Variants in TPD52 observed in about 807,000 individuals in gnomAD.
TPD52 encodes the protein tumor protein D52.
A neutral mutation model predicts 31.3 loss-of-function variants in TPD52; 17 were observed. The ratio of observed to expected loss-of-function variants is 0.54; its 90% confidence interval spans 0.37 to 0.82. The LOEUF (loss-of-function observed/expected upper bound fraction) is 0.82, where lower values mean the gene tolerates loss of function less well. Ranked by LOEUF, TPD52 falls within the 40% of genes least tolerant of loss-of-function variation. The pLI is 0.00. For missense variants in TPD52, 212 were observed against 240.1 expected, an observed-to-expected ratio of 0.88 and a Z score of 0.77; for synonymous variants, 83 against 89.6, an observed-to-expected ratio of 0.93 and a Z score of 0.42.
At chr8:80,119,348 G>C (rs1808086397) in intron 1 of TPD52, among the ~76,000 whole-genome samples, 1 of 152,124 alleles carries the variant, frequency 6.6e-6, no homozygotes, top group Admixed American at 6.6e-5. Context: ...GGTAAATGTT[G>C]TACAAGTATC....
chr8:80,038,528 A>G (rs1361858061), intron 7 of TPD52, among the ~76,000 whole-genome samples: 1 of 152,182 alleles, frequency 6.6e-6, no homozygotes, highest in Non-Finnish European at 1.5e-5. Flanking sequence ...TGTAAGGTCT[A>G]TTATTTTAAA....
rs984677862 is a variant in TPD52 at position 80,152,357 on chromosome 8, G to A, written c.19+19068C>T. 2.6e-5 allele frequency among the ~76,000 whole-genome samples: 4 copies of A among 152,256 alleles called. No homozygotes were observed. The East Asian group carries it at 7.7e-4, about 29-fold the overall frequency. ...GCAAACTCGAATGGCAGCACCAAAG[G>A]AGGTGTGAAATGCTGTGATGAAAAC... On this transcript the variant is annotated intron_variant, in intron 1 of 7. Coordinates refer to ENST00000518937, the MANE Select transcript of TPD52 (RefSeq NM_001025253.3).
chr8:80,148,659 G>C (rs572600021), intron 1 of TPD52, among the ~76,000 whole-genome samples: 69 of 152,250 alleles, frequency 4.5e-4, no homozygotes, highest in African/African-American at 1.6e-3. Flanking sequence ...TTGCTGAAGA[G>C]AAAATGCTAA....
intron 2 of TPD52, among the ~76,000 whole-genome samples, chr8:80,058,293 A>G (rs537655174): frequency 6.6e-6 from 1 of 152,168 alleles, no homozygotes; most frequent in Admixed American, 6.5e-5. Context: ...ACATGAAGGT[A>G]TTTTCATCAA....
intron 2 of TPD52, among the ~76,000 whole-genome samples, chr8:80,062,331 C>G (rs76175715): frequency 0.019 from 2,855 of 152,120 alleles, 84 homozygotes; most frequent in African/African-American, 0.064. Context: ...GGAAAACTAG[C>G]CACATGCAAA....
chr8:80,132,914 C>T (rs546580267), intron 1 of TPD52, among the ~76,000 whole-genome samples: 1 of 152,220 alleles, frequency 6.6e-6, no homozygotes, highest in African/African-American at 2.4e-5. Context: ...GTTTAGTTAC[C>T]CTCAGTAATT....
At chr8:80,126,255 T>C (rs1378959459) in intron 1 of TPD52, among the ~76,000 whole-genome samples, 1 of 152,156 alleles carries the variant, frequency 6.6e-6, no homozygotes, top group Non-Finnish European at 1.5e-5. Context: ...AGGGGGAAAA[T>C]GTATTATCTC....
At chr8:80,071,386 A>G (rs377554450) in intron 1 of TPD52, among the ~76,000 whole-genome samples, 2 of 152,250 alleles carry the variant, frequency 1.3e-5, no homozygotes. Flanking sequence ...TCCATGCCCT[A>G]TAACTTGTCC....
At chr8:80,048,159 C>T (rs1410792223) in intron 5 of TPD52, among the ~76,000 whole-genome samples, 1 of 152,174 alleles carries the variant, frequency 6.6e-6, no homozygotes, top group Non-Finnish European at 1.5e-5. Context: ...CCACGTCCTC[C>T]TTGGCCTTGC....
intron 2 of TPD52, among the ~76,000 whole-genome samples, chr8:80,057,439 G>A (rs1170684485): frequency 1.3e-5 from 2 of 152,156 alleles, no homozygotes; most frequent in African/African-American, 4.8e-5. Context: ...CAACCCCGGT[G>A]CCCACTGTCC....
intron 1 of TPD52, among the ~76,000 whole-genome samples, chr8:80,068,002 A>G (rs1392260048): frequency 2.0e-5 from 3 of 152,206 alleles, no homozygotes. Context: ...AAGAACATTT[A>G]AAAGTATAGA....
At chr8:80,088,077 G>A (rs1479376380) in intron 1 of TPD52, among the ~76,000 whole-genome samples, 4 of 152,192 alleles carry the variant, frequency 2.6e-5, no homozygotes, top group African/African-American at 9.7e-5. Context: ...TTTGGGCATA[G>A]AGCTAGCAAG....
chr8:80,131,824 G>A (rs1809038198), intron 1 of TPD52, among the ~76,000 whole-genome samples: 2 of 152,078 alleles, frequency 1.3e-5, no homozygotes, highest in Admixed American at 6.6e-5. Context: ...AGATGTGGGT[G>A]GAAAAGGTTT....
chr8:80,073,095 C>T (rs748206718), intron 1 of TPD52, among the ~76,000 whole-genome samples: 11 of 150,842 alleles, frequency 7.3e-5, no homozygotes, highest in Non-Finnish European at 1.3e-4. Flanking sequence ...AGAGCGAGAG[C>T]GAGAAAGAAA....
chr8:80,052,621 C>T (rs1168514559), intron 3 of TPD52: 6 of 1,288,206 alleles, frequency 4.7e-6, no homozygotes, highest in Non-Finnish European at 6.1e-6. Context: ...CTGCAGATGG[C>T]TCTCAATACA....
chr8:80,162,986 T>C (rs886491917), intron 1 of TPD52, among the ~76,000 whole-genome samples: 7 of 151,954 alleles, frequency 4.6e-5, no homozygotes, highest in Admixed American at 6.6e-5. Context: ...CGAGTGTTGA[T>C]AAAGATGGAG....
chr8:80,099,896 T>G (rs890314099), intron 1 of TPD52, among the ~76,000 whole-genome samples: 3 of 152,238 alleles, frequency 2.0e-5, no homozygotes, highest in Non-Finnish European at 4.4e-5. Flanking sequence ...ATTTAATTCT[T>G]AAAGTCTCTT....
intron 1 of TPD52, among the ~76,000 whole-genome samples, chr8:80,117,857 C>T (rs544446927): frequency 7.2e-5 from 11 of 151,726 alleles, no homozygotes; most frequent in African/African-American, 2.2e-4. Context: ...CTCAGCCTCC[C>T]GAGTAGCTGG....
intron 1 of TPD52, among the ~76,000 whole-genome samples, chr8:80,109,696 C>T (rs1428108681): frequency 1.3e-5 from 2 of 152,142 alleles, no homozygotes; most frequent in African/African-American, 2.4e-5. Context: ...TGTGAGCCAC[C>T]GCGCCTGGCC....
Sources: gnomAD v4.1 joint callset for allele counts (sites outside exome capture counted in the v4.1 genomes callset) on GRCh38, gnomAD v4.1.1 for gene constraint, MANE v1.5 for transcripts, NCBI Gene and HGNC (gene_info 2026-07-23, HGNC 2026-07-21) for gene names.